DACH2: variants seen among roughly 807,000 people sequenced by gnomAD.
DACH2 encodes the protein dachshund family transcription factor 2.
DACH2 carries 17 observed loss-of-function variants against 35.8 expected under a neutral mutation model. The observed-to-expected ratio is 0.48, with a 90% CI of 0.33 to 0.71. The LOEUF is 0.71. Ranked by LOEUF, DACH2 falls within the 30% of genes least tolerant of loss-of-function variation. The pLI, the probability that DACH2 is intolerant of heterozygous loss-of-function variation, is 0.02. For missense variants in DACH2, 469 were observed against 472.7 expected (o/e 0.99, Z 0.07); for synonymous variants, 195 against 177.3 (o/e 1.10, Z -0.79).
intron 1 of DACH2, among the ~76,000 whole-genome samples, chrX:86,253,492 T>A (rs2033443442): frequency 8.9e-6 from 1 of 111,990 alleles, no homozygotes; most frequent in Admixed American, 9.5e-5. Flanking sequence ...GATGTGCAAA[T>A]TTAACAATTT....
chrX:86,223,641 A>G (rs1378080814), intron 1 of DACH2, among the ~76,000 whole-genome samples: 1 of 112,153 alleles, frequency 8.9e-6, no homozygotes, highest in Non-Finnish European at 1.9e-5. Flanking sequence ...TACACCAGAA[A>G]ACGGAATTGG....
At chrX:86,456,805 A>G (rs996333510) in intron 2 of DACH2, among the ~76,000 whole-genome samples, 2 of 109,952 alleles carry the variant, frequency 1.8e-5, no homozygotes, top group Non-Finnish European at 3.8e-5. Flanking sequence ...CTAAGAAAGT[A>G]TTTCTCCTTC....
intron 11 of DACH2, among the ~76,000 whole-genome samples, chrX:86,821,253 T>TAA (rs773151358): frequency 9.0e-6 from 1 of 111,334 alleles, no homozygotes; most frequent in Admixed American, 9.6e-5. Context: ...GTTCCCATTG[T>TAA]AAAGTGAAAA....
intron 2 of DACH2, among the ~76,000 whole-genome samples, chrX:86,377,437 C>G (rs2035985149): frequency 9.0e-6 from 1 of 110,987 alleles, no homozygotes; most frequent in Non-Finnish European, 1.9e-5. Flanking sequence ...AAGATTTATA[C>G]TTGAAACCTC....
intron 1 of DACH2, among the ~76,000 whole-genome samples, chrX:86,285,203 T>G (rs2034120187): frequency 9.0e-6 from 1 of 111,632 alleles, no homozygotes; most frequent in African/African-American, 3.2e-5. Context: ...GGTTATTTCT[T>G]TTTTGCTAGT....
In DACH2 at chrX:86,411,036, A is replaced by ATATATATATATATATATG. The variant is rs768655432; in HGVS notation, c.527+34177_527+34178insATATATATATATATGTAT. ...CTAATATGATTATATATATATATATATATGTATATATGTAAAGGGGAGTTT... is the reference window on the plus strand; with the variant it reads ...CTAATATGATTATATATATATATATATATATATATATATATATGTATGTATATATGTAAAGGGGAGTTT... On this transcript the variant is annotated intron_variant, in intron 2 of 11. Coordinates refer to ENST00000373125, the MANE Select transcript of DACH2 (RefSeq NM_053281.3). 7.5e-5 allele frequency among the ~76,000 whole-genome samples: 6 copies of ATATATATATATATATATG among 79,943 alleles called. 1 individual carries two copies. The highest frequency in any genetic ancestry group is 1.2e-4 in the Non-Finnish European group (5 of 40,371). The allele number at this position is 79,943 out of a possible 115,157, so 69.4% of individuals were successfully genotyped here.
intron 3 of DACH2, among the ~76,000 whole-genome samples, chrX:86,614,717 G>T (rs1005872100): frequency 3.6e-5 from 4 of 111,390 alleles, no homozygotes; most frequent in Non-Finnish European, 7.6e-5. Flanking sequence ...TACAAATTCT[G>T]CTTTCCATAA....
At chrX:86,435,018 A>C (rs913793400) in intron 2 of DACH2, among the ~76,000 whole-genome samples, 3 of 111,377 alleles carry the variant, frequency 2.7e-5, no homozygotes, top group African/African-American at 9.8e-5. Flanking sequence ...CTTACAAGCC[A>C]TGAGGGATCT....
In DACH2 at chrX:86,174,118, TG is replaced by T. The variant is rs1490921064; in HGVS notation, c.488+25011del. On this transcript the variant is annotated intron_variant, in intron 1 of 11. Coordinates refer to ENST00000373125, the MANE Select transcript of DACH2 (RefSeq NM_053281.3). ...AGGTGGCAGAGTTCAAGAGTACAGTTGTTTTTTTTTTTTTTTTTTTTTGAGA... is the reference window on the plus strand; with the variant it reads ...AGGTGGCAGAGTTCAAGAGTACAGTTTTTTTTTTTTTTTTTTTTTTTGAGA... Among the ~76,000 whole-genome samples, 5 of 86,482 alleles carry T rather than the reference TG, an allele frequency of 5.8e-5. No homozygotes were observed. In the South Asian group the frequency reaches 2.1e-3, roughly 35 times the overall value. The allele number at this position is 86,482 out of a possible 115,157, so 75.1% of individuals were successfully genotyped here.
At chrX:86,531,123 A>C (rs2038713934) in intron 3 of DACH2, among the ~76,000 whole-genome samples, 1 of 112,074 alleles carries the variant, frequency 8.9e-6, no homozygotes, top group Non-Finnish European at 1.9e-5. Context: ...TGCATGAAGA[A>C]AGAGATGGTC....
intron 7 of DACH2, among the ~76,000 whole-genome samples, chrX:86,776,709 G>T (rs1485510333): frequency 1.8e-5 from 2 of 110,793 alleles, no homozygotes; most frequent in Admixed American, 1.9e-4. Flanking sequence ...TTTACATTAG[G>T]TATATCTCCT....
intron 1 of DACH2, among the ~76,000 whole-genome samples, chrX:86,289,670 T>C (rs1363323426): frequency 2.0e-5 from 2 of 102,022 alleles, no homozygotes; most frequent in Non-Finnish European, 3.9e-5. Context: ...GAATATGCGG[T>C]GTTTGGTTTT....
At chrX:86,497,894 T>G in intron 2 of DACH2, among the ~76,000 whole-genome samples, 1 of 111,282 alleles carries the variant, frequency 9.0e-6, no homozygotes, top group South Asian at 3.8e-4. Flanking sequence ...CTGGGGAGGC[T>G]GAGGCACGAG....
intron 7 of DACH2, among the ~76,000 whole-genome samples, chrX:86,786,897 G>A (rs2042142540): frequency 8.9e-6 from 1 of 111,744 alleles, no homozygotes; most frequent in South Asian, 3.8e-4. Context: ...AGCCATCAGG[G>A]CAGGTCTTTC....
At chrX:86,419,097 G>A (rs1353280092) in intron 2 of DACH2, among the ~76,000 whole-genome samples, 1 of 111,516 alleles carries the variant, frequency 9.0e-6, no homozygotes, top group Non-Finnish European at 1.9e-5. Flanking sequence ...ATCATTATCA[G>A]CATTTTGGTC....
intron 2 of DACH2, among the ~76,000 whole-genome samples, chrX:86,379,218 G>T (rs951729110): frequency 9.0e-6 from 1 of 111,150 alleles, no homozygotes; most frequent in Non-Finnish European, 1.9e-5. Context: ...GTTAAAATAA[G>T]AAATAAAAGA....
At chrX:86,520,636 A>G (rs1184334107) in intron 3 of DACH2, among the ~76,000 whole-genome samples, 1 of 111,643 alleles carries the variant, frequency 9.0e-6, no homozygotes, top group Admixed American at 9.5e-5. Context: ...TTGCTGAATT[A>G]AAGACTTTAC....
At chrX:86,660,355 C>T (rs963943938) in intron 4 of DACH2, among the ~76,000 whole-genome samples, 1 of 111,779 alleles carries the variant, frequency 8.9e-6, no homozygotes, top group Admixed American at 9.6e-5. Context: ...TGTTATCCAG[C>T]ATACTGTTCC....
At chrX:86,335,543 G>A (rs1284234921) in intron 1 of DACH2, among the ~76,000 whole-genome samples, 1 of 110,908 alleles carries the variant, frequency 9.0e-6, no homozygotes, top group Non-Finnish European at 1.9e-5. Flanking sequence ...TCATAATTTG[G>A]CTCTCTGTCT....
Sources: gnomAD v4.1 joint callset for allele counts (sites outside exome capture counted in the v4.1 genomes callset) on GRCh38, gnomAD v4.1.1 for gene constraint, MANE v1.5 for transcripts, NCBI Gene and HGNC (gene_info 2026-07-23, HGNC 2026-07-21) for gene names.